The following MTHFD2L variants were observed in gnomAD, a reference collection of about 807,000 sequenced individuals.
MTHFD2L encodes bifunctional methylenetetrahydrofolate dehydrogenase/cyclohydrolase 2, mitochondrial.
A neutral mutation model predicts 34.9 loss-of-function variants in MTHFD2L; 29 were observed. That is an observed-to-expected ratio of 0.83 (90% CI 0.62 to 1.13). MTHFD2L has a LOEUF of 1.13. Among genes scored for constraint, MTHFD2L ranks in the 50% most tolerant of loss-of-function variants. The probability of loss-of-function intolerance (pLI) is 0.00; values close to 1 mark genes in which losing one functional copy is unlikely to be tolerated. For missense variants in MTHFD2L, 481 were observed against 446.5 expected (o/e 1.08, Z -0.70); for synonymous variants, 167 against 155.7 (o/e 1.07, Z -0.54).
intron 5 of MTHFD2L, among the ~76,000 whole-genome samples, chr4:74,209,379 G>A (rs926261101): frequency 2.0e-5 from 3 of 152,032 alleles, no homozygotes; most frequent in Non-Finnish European, 4.4e-5. Context: ...TGTGTGTGAT[G>A]TTCCCCTCCC....
intron 5 of MTHFD2L, among the ~76,000 whole-genome samples, chr4:74,214,597 G>A (rs931762327): frequency 1.3e-5 from 2 of 151,824 alleles, no homozygotes; most frequent in African/African-American, 2.4e-5. Context: ...TCCCAGAGGG[G>A]CCCCCGCCAG....
chr4:74,288,398 G>C (rs1578731949), intron 7 of MTHFD2L: 4 of 152,272 alleles, frequency 2.6e-5, no homozygotes, highest in Admixed American at 2.6e-4. Flanking sequence ...CTACTGACCT[G>C]AATATAGTCA....
intron 1 of MTHFD2L, among the ~76,000 whole-genome samples, chr4:74,139,200 C>A (rs924983944): frequency 1.3e-5 from 2 of 152,130 alleles, no homozygotes; most frequent in Non-Finnish European, 2.9e-5. Context: ...GTCTGAAGCC[C>A]AGGTTTGCCC....
intron 7 of MTHFD2L, among the ~76,000 whole-genome samples, chr4:74,290,221 C>CA (rs1162314769): frequency 6.6e-6 from 1 of 152,076 alleles, no homozygotes; most frequent in African/African-American, 2.4e-5. Context: ...AGCATAAGGT[C>CA]AGGAAAGGGT....
At chr4:74,296,095 G>A (rs762531333) in intron 7 of MTHFD2L, among the ~76,000 whole-genome samples, 3 of 152,132 alleles carry the variant, frequency 2.0e-5, no homozygotes, top group Non-Finnish European at 4.4e-5. Flanking sequence ...AGGAATAATT[G>A]TTACGAATCT....
At chr4:74,138,948 T>C (rs1465881137) in intron 1 of MTHFD2L, among the ~76,000 whole-genome samples, 1 of 152,192 alleles carries the variant, frequency 6.6e-6, no homozygotes, top group African/African-American at 2.4e-5. Flanking sequence ...GAGCCGTCTT[T>C]ACTACCTGAT....
intron 6 of MTHFD2L, among the ~76,000 whole-genome samples, chr4:74,233,951 T>C (rs1261906): frequency 0.98 from 149,196 of 151,980 alleles, 73,261 homozygotes; most frequent in Middle Eastern, 1. Flanking sequence ...ATATGTACTA[T>C]TTCTGATTTT....
intron 3 of MTHFD2L, among the ~76,000 whole-genome samples, chr4:74,198,943 A>C (rs903396653): frequency 6.6e-6 from 1 of 152,162 alleles, no homozygotes; most frequent in African/African-American, 2.4e-5. Context: ...TAGCTTTCTG[A>C]AAAGTTTGAA....
chr4:74,221,183 GTCTA>G (rs58690890), intron 5 of MTHFD2L, among the ~76,000 whole-genome samples: 1,764 of 150,846 alleles, frequency 0.012, 39 homozygotes, highest in African/African-American at 0.041. Flanking sequence ...TAAAATTATA[GTCTA>G]TCTAATTATT....
intron 5 of MTHFD2L, among the ~76,000 whole-genome samples, chr4:74,220,071 T>G (rs1318325023): frequency 7.1e-6 from 1 of 140,468 alleles, no homozygotes; most frequent in Non-Finnish European, 1.5e-5. Flanking sequence ...AATGGGAAGT[T>G]TCAGTTTCAT....
chr4:74,165,235 A>G (rs2109915973), intron 1 of MTHFD2L: 1 of 153,054 alleles, frequency 6.5e-6, no homozygotes, highest in Middle Eastern at 3.4e-3. Context: ...AATTTATATT[A>G]CATGAACATT....
At chr4:74,170,982 G>GT (rs1483431507) in intron 1 of MTHFD2L, among the ~76,000 whole-genome samples, 2 of 115,518 alleles carry the variant, frequency 1.7e-5, no homozygotes. Context: ...CTGTTGTGGG[G>GT]TGGGGGGAGG....
At chr4:74,297,997 A>T (rs1283854752) in intron 7 of MTHFD2L, among the ~76,000 whole-genome samples, 1 of 152,032 alleles carries the variant, frequency 6.6e-6, no homozygotes, top group Non-Finnish European at 1.5e-5. Flanking sequence ...ATATATTAAC[A>T]CTAGCCAGCA....
At chr4:74,259,351 A>G (rs1443242258) in intron 6 of MTHFD2L, among the ~76,000 whole-genome samples, 1 of 152,140 alleles carries the variant, frequency 6.6e-6, no homozygotes, top group East Asian at 1.9e-4. Context: ...ATTCATCCTC[A>G]TCTCAGCACA....
At chr4:74,223,807 T>A (rs941008035) in intron 5 of MTHFD2L, among the ~76,000 whole-genome samples, 2 of 152,226 alleles carry the variant, frequency 1.3e-5, no homozygotes, top group African/African-American at 2.4e-5. Flanking sequence ...ATTGAATTTT[T>A]AAAAATTTGC....
At chr4:74,224,188 G>A (rs1226288360) in intron 5 of MTHFD2L, 1 of 152,040 alleles carries the variant, frequency 6.6e-6, no homozygotes, top group Non-Finnish European at 1.5e-5. Context: ...ACTGGGTCCC[G>A]GAAGGCTCTT....
intron 3 of MTHFD2L, among the ~76,000 whole-genome samples, chr4:74,180,168 G>A (rs1342352006): frequency 6.6e-6 from 1 of 152,116 alleles, no homozygotes; most frequent in Admixed American, 6.6e-5. Flanking sequence ...AACTGATAGG[G>A]TTAGGAATAG....
At chr4:74,242,494 G>A (rs768926213) in intron 6 of MTHFD2L, among the ~76,000 whole-genome samples, 1 of 152,088 alleles carries the variant, frequency 6.6e-6, no homozygotes, top group African/African-American at 2.4e-5. Flanking sequence ...ACATTCTTAT[G>A]AGGTCAGTAA....
chr4:74,200,473 G>T (rs190728795), intron 4 of MTHFD2L, among the ~76,000 whole-genome samples: 12 of 152,228 alleles, frequency 7.9e-5, no homozygotes, highest in Admixed American at 5.2e-4. Flanking sequence ...TAAACTTCAT[G>T]CATTTTGATG....
Sources: allele counts gnomAD v4.1 joint callset (sites outside exome capture counted in the v4.1 genomes callset), GRCh38; gene constraint gnomAD v4.1.1; transcripts MANE v1.5; gene names NCBI Gene and HGNC (gene_info 2026-07-23, HGNC 2026-07-21).